Variants in ZNF654 observed in about 807,000 individuals in gnomAD.
ZNF654 encodes the protein zinc finger protein 654, also known as melanoma-associated antigen.
Under a neutral mutation model 95.3 loss-of-function variants are expected in ZNF654, and 19 were observed. That is an observed-to-expected ratio of 0.20 (90% CI 0.14 to 0.29). The LOEUF (loss-of-function observed/expected upper bound fraction) is 0.29, where lower values mean the gene tolerates loss of function less well. ZNF654 is among the 10% of genes least tolerant of loss of function. The pLI, the probability that ZNF654 is intolerant of heterozygous loss-of-function variation, is 1.00. For missense variants in ZNF654, 1,046 were observed against 1,341.0 expected (o/e 0.78, Z 3.44); for synonymous variants, 413 against 457.9 (o/e 0.90, Z 1.25).
At chr3:88,088,867 G>T (rs1708485622) in intron 2 of ZNF654, among the ~76,000 whole-genome samples, 1 of 151,808 alleles carries the variant, frequency 6.6e-6, no homozygotes, top group South Asian at 2.1e-4. Flanking sequence ...ACATCTCCTG[G>T]GTTCAAGCAA....
At chr3:88,072,158 T>C (rs1316857909) in intron 1 of ZNF654, among the ~76,000 whole-genome samples, 2 of 152,232 alleles carry the variant, frequency 1.3e-5, no homozygotes, top group Non-Finnish European at 2.9e-5. Context: ...CCATCCTTGC[T>C]CTAAAGGAAC....
At chr3:88,133,978 G>A (rs1379432191) in intron 6 of ZNF654, among the ~76,000 whole-genome samples, 2 of 152,038 alleles carry the variant, frequency 1.3e-5, no homozygotes, top group African/African-American at 4.8e-5. Context: ...TTAGTTCTGA[G>A]TGGGTTCAGG....
At chr3:88,121,133 TA>T (rs765582721) in intron 3 of ZNF654, among the ~76,000 whole-genome samples, 1 of 150,880 alleles carries the variant, frequency 6.6e-6, no homozygotes, top group Admixed American at 6.6e-5. Context: ...ATGAGCAAAA[TA>T]AAAAAAAAGA....
chr3:88,087,592 C>G (rs1226930725), intron 2 of ZNF654, among the ~76,000 whole-genome samples: 2 of 152,170 alleles, frequency 1.3e-5, no homozygotes, highest in Non-Finnish European at 2.9e-5. Context: ...GAGGAATGGT[C>G]ATTGCAACAC....
At chr3:88,065,267 T>C (rs1298080182) in intron 1 of ZNF654, among the ~76,000 whole-genome samples, 1 of 152,144 alleles carries the variant, frequency 6.6e-6, no homozygotes, top group African/African-American at 2.4e-5. Flanking sequence ...TTTGGGGAGC[T>C]AAATCCTTTT....
chr3:88,080,171 G>A (rs1463488905), intron 1 of ZNF654, among the ~76,000 whole-genome samples: 5 of 151,980 alleles, frequency 3.3e-5, no homozygotes, highest in Non-Finnish European at 7.4e-5. Flanking sequence ...GATGAGCATC[G>A]AACTAAATAG....
chr3:88,109,177 G>GTGTA (rs1553697159), intron 2 of ZNF654, among the ~76,000 whole-genome samples: 2 of 151,328 alleles, frequency 1.3e-5, no homozygotes, highest in Non-Finnish European at 2.9e-5. Context: ...GTGTGTGTGT[G>GTGTA]TGTATGAAGA....
At chr3:88,123,472 G>A (rs1268875057) in intron 3 of ZNF654, among the ~76,000 whole-genome samples, 2 of 152,158 alleles carry the variant, frequency 1.3e-5, no homozygotes, top group Non-Finnish European at 2.9e-5. Context: ...CACTAAGTGT[G>A]GGAGGTGTAA....
intron 3 of ZNF654, among the ~76,000 whole-genome samples, chr3:88,125,249 T>C (rs1706029445): frequency 6.7e-6 from 1 of 149,916 alleles, no homozygotes. Context: ...AAAAAACCAA[T>C]ATCTAATAAA....
chr3:88,063,081 C>A (rs943271161), intron 1 of ZNF654, among the ~76,000 whole-genome samples: 1 of 151,982 alleles, frequency 6.6e-6, no homozygotes, highest in African/African-American at 2.4e-5. Flanking sequence ...ATTTTGTTTC[C>A]CTTAGGAGAC....
At position 88,142,557 on chromosome 3, in the gene ZNF654, ATTGC is replaced by A. The variant is rs776789177; in HGVS notation, c.*909_*912del. ...CTTCTGTTTGTGTATATGTTGGGAC[ATTGC>A]TTGATGATTCATAGTAAGGTCCTTT... On this transcript the variant is annotated 3_prime_UTR_variant, in exon 9 of 9. Coordinates refer to ENST00000636215, the MANE Select transcript of ZNF654 (RefSeq NM_001350134.2). 2.6e-5 allele frequency: 4 copies of A among 151,456 alleles called. No individual in the cohort carries two copies. The highest frequency in any genetic ancestry group is 4.1e-4 in the South Asian group (2 of 4,826). The allele number at this position is 151,456 out of a possible 1,614,324, so 9.4% of individuals were successfully genotyped here. A position where few individuals can be genotyped will look rare whatever the true frequency, so the allele number is the denominator to read the frequency against.
intron 1 of ZNF654, among the ~76,000 whole-genome samples, chr3:88,071,762 C>G (rs1425736536): frequency 6.6e-6 from 1 of 152,132 alleles, no homozygotes; most frequent in Non-Finnish European, 1.5e-5. Context: ...TGAGATCGTA[C>G]CATTGCACTC....
intron 1 of ZNF654, among the ~76,000 whole-genome samples, chr3:88,062,945 C>T (rs958039007): frequency 3.9e-5 from 6 of 152,144 alleles, no homozygotes; most frequent in East Asian, 1.9e-4. Flanking sequence ...ATTTGTGTTT[C>T]GCAGTAAACT....
intron 3 of ZNF654, among the ~76,000 whole-genome samples, 192 bp downstream of exon 3, chr3:88,113,388 C>T (rs776961627): frequency 6.6e-6 from 1 of 152,212 alleles, no homozygotes; most frequent in East Asian, 1.9e-4. Context: ...TATTTCCAAG[C>T]AGTTCATAGC....
intron 2 of ZNF654, among the ~76,000 whole-genome samples, chr3:88,105,636 C>T (rs1386951416): frequency 6.6e-6 from 1 of 152,150 alleles, no homozygotes; most frequent in Non-Finnish European, 1.5e-5. Context: ...ATAACCTACC[C>T]ACAAAATCTG....
Position 88,138,918 on chromosome 3 carries a change from C to T in ZNF654, c.1249C>T (p.Arg417Cys), listed in dbSNP as rs1179181509. 4.0e-6 allele frequency: 5 copies of T among 1,235,112 alleles called. No individual in the cohort carries two copies. Among genetic ancestry groups the T allele is most frequent in the Non-Finnish European group, 5.0e-6 (5 of 990,236 alleles). 76.5% of individuals were successfully genotyped at this position (1,235,112 alleles called of 1,614,324 possible). The part of the protein sequence containing the change: ...AYRTVEELYK[R>C]PDEEYNEGTS... The stretch of plus-strand genomic sequence containing the variant: ...TCGTACTGTTGAAGAGCTTTACAAA[C>T]GTCCAGATGAAGAATATAATGAAGG... The change falls in exon 8 of 9, where the codon CGT becomes TGT. Residue 417 changes from arginine (R) to cysteine (C), a missense_variant. Arg to Cys is a radical substitution (Grantham distance 180). Coordinates refer to ENST00000636215, the MANE Select transcript of ZNF654 (RefSeq NM_001350134.2).
rs960037819 is a variant in ZNF654 at position 88,142,658 on chromosome 3, G to A, written c.*1006G>A. The A allele has an allele frequency of 1.3e-5, 2 of 152,248 alleles. No individual in the cohort carries two copies. The highest frequency in any genetic ancestry group is 2.1e-4 in the South Asian group (1 of 4,828). The allele number at this position is 152,248 out of a possible 1,614,324, so 9.4% of individuals were successfully genotyped here. ...GCTCAAAAAATCAGCTAAGAATCAG[G>A]TTGAGAAATCATTCATTTTATTCTA... On this transcript the variant is annotated 3_prime_UTR_variant, in exon 9 of 9. Transcript: ENST00000636215.
intron 1 of ZNF654, among the ~76,000 whole-genome samples, chr3:88,084,502 A>G (rs901691953): frequency 2.6e-5 from 4 of 152,196 alleles, no homozygotes; most frequent in African/African-American, 9.7e-5. Flanking sequence ...AGTTAGTAGT[A>G]GTTTTTACTT....
intron 3 of ZNF654, among the ~76,000 whole-genome samples, chr3:88,125,169 C>T (rs1706020144): frequency 6.6e-6 from 1 of 150,974 alleles, no homozygotes; most frequent in Non-Finnish European, 1.5e-5. Context: ...GAGCCAAGAT[C>T]GTGCCACTGC....
Sources: gnomAD v4.1 joint callset for allele counts (sites outside exome capture counted in the v4.1 genomes callset) on GRCh38, gnomAD v4.1.1 for gene constraint, MANE v1.5 for transcripts, NCBI Gene and HGNC (gene_info 2026-07-23, HGNC 2026-07-21) for gene names.